Variants in CENPP observed in about 807,000 individuals in gnomAD.
CENPP encodes centromere protein P.
In CENPP, 24 loss-of-function variants were observed where a neutral mutation model predicts 35.6. The observed-to-expected ratio is 0.67, with a 90% confidence interval of 0.49 to 0.95. The LOEUF is 0.95. CENPP is among the 40% of genes least tolerant of loss of function. CENPP has a pLI of 0.00. For synonymous variants in CENPP, 120 were observed against 125.5 expected (o/e 0.96, Z 0.29); for missense variants, 332 against 345.3 (o/e 0.96, Z 0.31).
At chr9:92,513,402 T>G (rs1170003632) in intron 5 of CENPP, among the ~76,000 whole-genome samples, 1 of 152,234 alleles carries the variant, frequency 6.6e-6, no homozygotes, top group Non-Finnish European at 1.5e-5. Flanking sequence ...CATTTTCTTA[T>G]AAACTTAAAC....
chr9:92,515,189 G>C, intron 5 of CENPP: 1 of 1,585,124 alleles, frequency 6.3e-7, no homozygotes, highest in Non-Finnish European at 8.6e-7. Flanking sequence ...ATACCACTGA[G>C]TAGAGAATAG....
At chr9:92,381,561 C>A (rs886591432) in intron 5 of CENPP, among the ~76,000 whole-genome samples, 1 of 152,142 alleles carries the variant, frequency 6.6e-6, no homozygotes, top group Non-Finnish European at 1.5e-5. Context: ...GTGCCCTCCC[C>A]CTGCCTTTTT....
At chr9:92,543,092 A>G (rs970156907) in intron 5 of CENPP, among the ~76,000 whole-genome samples, 15 of 152,154 alleles carry the variant, frequency 9.9e-5, no homozygotes, top group Non-Finnish European at 1.9e-4. Context: ...TTTTTATGCC[A>G]GTACTATGCT....
Position 92,329,157 on chromosome 9 carries a change from G to A in CENPP, c.108-3013G>A, listed in dbSNP as rs557664969. On this transcript the variant is annotated intron_variant, in intron 1 of 7. Coordinates refer to ENST00000375587, the MANE Select transcript of CENPP (RefSeq NM_001012267.3). ...TTGCTGTGACATTTGGTGTTCACTTGTCAGAAGCTCATTTATATTTATGGC... is the reference window on the plus strand; with the variant it reads ...TTGCTGTGACATTTGGTGTTCACTTATCAGAAGCTCATTTATATTTATGGC... Among the ~76,000 whole-genome samples the A allele has an allele frequency of 4.8e-5, 7 of 147,026 alleles. No homozygotes were observed. The South Asian group carries it at 8.6e-4, about 18-fold the overall frequency.
intron 5 of CENPP, among the ~76,000 whole-genome samples, chr9:92,607,145 T>G: frequency 6.6e-6 from 1 of 152,200 alleles, no homozygotes; most frequent in East Asian, 1.9e-4. Context: ...CACTTACATT[T>G]CTATGATTCA....
chr9:92,436,746 C>A (rs1487269788), intron 5 of CENPP, among the ~76,000 whole-genome samples: 1 of 152,178 alleles, frequency 6.6e-6, no homozygotes, highest in African/African-American at 2.4e-5. Flanking sequence ...ATACGTCTGT[C>A]TTCCTGACAA....
At chr9:92,380,863 C>A (rs1196939167) in intron 5 of CENPP, among the ~76,000 whole-genome samples, 2 of 152,110 alleles carry the variant, frequency 1.3e-5, no homozygotes, top group African/African-American at 4.8e-5. Context: ...AAAATGGGAG[C>A]ACTAGTCTCC....
At chr9:92,377,602 C>T (rs1354747112) in intron 4 of CENPP, among the ~76,000 whole-genome samples, 1 of 152,180 alleles carries the variant, frequency 6.6e-6, no homozygotes. Flanking sequence ...GCTTTTTACT[C>T]TCTTCCCAAA....
At chr9:92,523,745 G>C (rs143831524) in intron 5 of CENPP, among the ~76,000 whole-genome samples, 1 of 152,300 alleles carries the variant, frequency 6.6e-6, no homozygotes, top group African/African-American at 2.4e-5. Flanking sequence ...CTAGGAGCCT[G>C]TACGTCTGTC....
At chr9:92,516,956 C>A (rs371264781) in intron 5 of CENPP, 2 of 152,236 alleles carry the variant, frequency 1.3e-5, no homozygotes, top group East Asian at 3.8e-4. Context: ...CCTTCCCAGC[C>A]AATTATTTAA....
chr9:92,500,426 G>A (rs1294018333), intron 5 of CENPP, among the ~76,000 whole-genome samples: 3 of 152,186 alleles, frequency 2.0e-5, no homozygotes, highest in Non-Finnish European at 2.9e-5. Flanking sequence ...CAGGTGATCC[G>A]CCCGCCTTGG....
chr9:92,544,321 C>A (rs971119342), intron 5 of CENPP, among the ~76,000 whole-genome samples: 1 of 152,132 alleles, frequency 6.6e-6, no homozygotes, highest in Non-Finnish European at 1.5e-5. Flanking sequence ...ACTAAAAATA[C>A]AAAAATTAGC....
At chr9:92,508,003 C>T (rs1847107417) in intron 5 of CENPP, among the ~76,000 whole-genome samples, 1 of 152,160 alleles carries the variant, frequency 6.6e-6, no homozygotes, top group South Asian at 2.1e-4. Context: ...TTTTCTCTCC[C>T]TGGAGTGCCC....
chr9:92,504,763 T>C (rs1256933284), intron 5 of CENPP, among the ~76,000 whole-genome samples: 4 of 152,100 alleles, frequency 2.6e-5, no homozygotes, highest in Non-Finnish European at 4.4e-5. Context: ...ACTCTCAAAC[T>C]CCTGGCCTCA....
rs1051561683 is a variant in CENPP at position 92,619,348 on chromosome 9, C to T, written c.*6199C>T. On this transcript the variant is annotated 3_prime_UTR_variant, in exon 8 of 8. Coordinates refer to ENST00000375587, the MANE Select transcript of CENPP (RefSeq NM_001012267.3). Reference sequence around the variant, plus strand: ...CGAGAGTTAGTAAGCCCCATGATGTCACATAGGCCAAGGAAGTTATGTCAC... The same window carrying T: ...CGAGAGTTAGTAAGCCCCATGATGTTACATAGGCCAAGGAAGTTATGTCAC... 4.4e-6 allele frequency: 3 copies of T among 677,980 alleles called. No individual in the cohort carries two copies. Among genetic ancestry groups the T allele is most frequent in the African/African-American group, 3.5e-5 (2 of 56,712 alleles). 42.0% of individuals were successfully genotyped at this position (677,980 alleles called of 1,614,324 possible). A position where few individuals can be genotyped will look rare whatever the true frequency, so the allele number is the denominator to read the frequency against.
At chr9:92,577,499 C>T (rs140727000) in intron 5 of CENPP, among the ~76,000 whole-genome samples, 20 of 152,220 alleles carry the variant, frequency 1.3e-4, no homozygotes, top group Non-Finnish European at 2.2e-4. Context: ...AAATGAATCT[C>T]CCAAACAAAA....
At chr9:92,596,419 C>G (rs1467807106) in intron 5 of CENPP, among the ~76,000 whole-genome samples, 9 of 124,962 alleles carry the variant, frequency 7.2e-5, no homozygotes, top group Non-Finnish European at 1.1e-4. Flanking sequence ...CAAGGCCAGC[C>G]TAGGCAACAT....
chr9:92,479,269 G>A (rs1241256023), intron 5 of CENPP, among the ~76,000 whole-genome samples: 1 of 152,118 alleles, frequency 6.6e-6, no homozygotes, highest in Non-Finnish European at 1.5e-5. Flanking sequence ...CCCTTCCTTT[G>A]TCTCTCCTCT....
Position 92,496,281 on chromosome 9 carries a change from G to A in CENPP, c.565-115033G>A, listed in dbSNP as rs555554326. ...AAATGCAGCTACTACAAATACATGA[G>A]TAAAGTTTATAAACAGCAAAGGAAA... On this transcript the variant is annotated intron_variant, in intron 5 of 7. Coordinates refer to ENST00000375587, the MANE Select transcript of CENPP (RefSeq NM_001012267.3). 80 of 1,547,996 alleles carry A rather than the reference G, an allele frequency of 5.2e-5. No homozygotes were observed. In the East Asian group the frequency reaches 1.6e-3, roughly 30 times the overall value.
Sources: allele counts gnomAD v4.1 joint callset (sites outside exome capture counted in the v4.1 genomes callset), GRCh38; gene constraint gnomAD v4.1.1; transcripts MANE v1.5; gene names NCBI Gene and HGNC (gene_info 2026-07-23, HGNC 2026-07-21).